The following FNBP1 variants were observed in gnomAD, a reference collection of about 807,000 sequenced individuals.
FNBP1 encodes the protein formin-binding protein 1.
A neutral mutation model predicts 90.6 loss-of-function variants in FNBP1; 26 were observed. The observed-to-expected ratio is 0.29, with a 90% CI of 0.21 to 0.40. The LOEUF is 0.40. Among genes scored for constraint, FNBP1 ranks in the 10% least tolerant of loss-of-function variants. The pLI is 1.00. For synonymous variants in FNBP1, 260 were observed against 265.2 expected, an observed-to-expected ratio of 0.98 and a Z score of 0.19; for missense variants, 635 against 768.0, an observed-to-expected ratio of 0.83 and a Z score of 2.05.
intron 6 of FNBP1, among the ~76,000 whole-genome samples, chr9:129,955,822 C>A (rs1377268941): frequency 7.7e-6 from 1 of 130,456 alleles, no homozygotes; most frequent in Non-Finnish European, 1.6e-5. Context: ...TACATATATA[C>A]TTCTTTTAGC....
intron 11 of FNBP1, among the ~76,000 whole-genome samples, chr9:129,911,060 C>T (rs2039186152): frequency 6.6e-6 from 1 of 152,174 alleles, no homozygotes; most frequent in Non-Finnish European, 1.5e-5. Flanking sequence ...ATGGATTTCA[C>T]CACGTTGGTC....
intron 6 of FNBP1, among the ~76,000 whole-genome samples, chr9:129,935,550 C>T (rs2043303230): frequency 6.6e-6 from 1 of 151,924 alleles, no homozygotes; most frequent in Non-Finnish European, 1.5e-5. Flanking sequence ...TGCAGTGGTG[C>T]AATCTCGGTT....
At position 130,043,138 on chromosome 9, in the gene FNBP1, C is replaced by G. The variant is rs898377667; in HGVS notation, c.-163G>C. The stretch of plus-strand genomic sequence containing the variant: ...TCCTCGCCCGGGGTCTCCTCGGCGG[C>G]TCCTCCTCCCCGCCGCTCCACAGCA... On this transcript the variant is annotated 5_prime_UTR_variant, in exon 1 of 17. Coordinates refer to ENST00000446176, the MANE Select transcript of FNBP1 (RefSeq NM_015033.3). 17 of 490,100 alleles carry G rather than the reference C, an allele frequency of 3.5e-5. No individual in the cohort carries two copies. Among genetic ancestry groups the G allele is most frequent in the Non-Finnish European group, 4.8e-5 (15 of 314,220 alleles). 30.4% of individuals were successfully genotyped at this position (490,100 alleles called of 1,614,324 possible).
chr9:129,929,752 T>C, intron 6 of FNBP1, 57 bp from the exon 7 acceptor site: 1 of 1,573,958 alleles, frequency 6.4e-7, no homozygotes, highest in South Asian at 1.1e-5. Flanking sequence ...AAAGCCTGGG[T>C]GCAATCAATA....
At chr9:129,920,591 C>T (rs1234709309) in intron 10 of FNBP1, among the ~76,000 whole-genome samples, 5 of 152,176 alleles carry the variant, frequency 3.3e-5, no homozygotes, top group Admixed American at 1.3e-4. Flanking sequence ...TGAGCCACAA[C>T]GCCCAGCTTA....
chr9:129,994,807 G>A (rs370778907), intron 2 of FNBP1, 36 bp downstream of exon 2: 11 of 890,564 alleles, frequency 1.2e-5, no homozygotes, highest in African/African-American at 1.7e-5. Flanking sequence ...ACATCATTTT[G>A]CAGTTAACAA....
At chr9:130,009,150 T>C (rs2056204673) in intron 1 of FNBP1, among the ~76,000 whole-genome samples, 1 of 152,204 alleles carries the variant, frequency 6.6e-6, no homozygotes, top group South Asian at 2.1e-4. Flanking sequence ...GGCCCTGGCA[T>C]CTGAAACTTA....
intron 2 of FNBP1, among the ~76,000 whole-genome samples, chr9:129,993,624 C>CT (rs10533724): frequency 2.0e-4 from 22 of 112,236 alleles, no homozygotes; most frequent in Non-Finnish European, 3.1e-4. Context: ...CCCCAAAGCA[C>CT]TTTTTTTTTT....
chr9:129,900,132 A>T lies in FNBP1; in HGVS notation c.1551-31T>A. On this transcript the variant is annotated intron_variant, in intron 14 of 16. Coordinates refer to ENST00000446176, the MANE Select transcript of FNBP1 (RefSeq NM_015033.3). This position sits in a 1 kb window ranked among gnomAD's most constrained non-coding sequence, Gnocchi z 4.1. ...CAAGAAAGGAAAACACAAAGCAACT[A>T]AAGCGACTGACCCCAGGGAGGACTC... 1 of 1,570,666 alleles carries T rather than the reference A, an allele frequency of 6.4e-7. No homozygotes were observed. Among genetic ancestry groups the T allele is most frequent in the South Asian group, 1.2e-5 (1 of 84,650 alleles).
intron 1 of FNBP1, chr9:130,013,867 T>C (rs1006609015): frequency 2.3e-6 from 1 of 431,880 alleles, no homozygotes; most frequent in South Asian, 1.7e-5. Flanking sequence ...CCTCTTGCTC[T>C]CTTGCCCTAA....
rs1361638591 is a variant in FNBP1 at position 129,978,514 on chromosome 9, A to G, written c.296T>C (p.Ile99Thr). ...CTGAACATAGCGTGCCAAGTCCACA[A>G]TGATCTGTGATGCCATGTTCTCGGA... ...VISENMASQI[I>T]VDLARYVQEL... Residue 99 changes from isoleucine to threonine, a missense_variant, in exon 4 of 17, where the codon ATT (isoleucine) becomes ACT (threonine). Physicochemically the swap from Ile to Thr is moderately conservative, Grantham distance 89. Coordinates refer to ENST00000446176, the MANE Select transcript of FNBP1 (RefSeq NM_015033.3). The G allele has an allele frequency of 3.7e-6, 6 of 1,613,746 alleles. No homozygotes were observed. The highest frequency in any genetic ancestry group is 3.4e-6 in the Non-Finnish European group (4 of 1,179,694).
At chr9:130,033,027 A>G (rs935173263) in intron 1 of FNBP1, among the ~76,000 whole-genome samples, 2 of 152,166 alleles carry the variant, frequency 1.3e-5, no homozygotes, top group Non-Finnish European at 2.9e-5. Context: ...TAGGACAGAA[A>G]ATAGCTCATT....
chr9:130,029,333 C>A (rs1231848119), intron 1 of FNBP1, among the ~76,000 whole-genome samples: 1 of 152,070 alleles, frequency 6.6e-6, no homozygotes, highest in Non-Finnish European at 1.5e-5. Context: ...AGGCTGGTGT[C>A]AAACTCCTGG....
Position 129,900,434 on chromosome 9 carries a change from G to C in FNBP1, c.1542C>G (p.Asp514Glu), listed in dbSNP as rs1439839279. 3 of 1,595,722 alleles carry C rather than the reference G, an allele frequency of 1.9e-6. No individual in the cohort carries two copies. In the South Asian group the frequency reaches 3.4e-5, roughly 18 times the overall value. The change falls in exon 14 of 17, where the codon GAC becomes GAG. Residue 514 changes from aspartate (D) to glutamate (E), a missense_variant. Asp to Glu is a conservative substitution (Grantham distance 45). Coordinates refer to ENST00000446176, the MANE Select transcript of FNBP1 (RefSeq NM_015033.3). This position sits in a 1 kb window ranked among gnomAD's most constrained non-coding sequence, Gnocchi z 4.1. ...NPPTVNNCAQ[D>E]RESPDGSYTE... ...CTGTGCAGATACTGTACCTCTCACG[G>C]TCCTGGGCGCAGTTGTTGACTGTGG...
At chr9:129,970,132 C>G (rs2049224415) in intron 4 of FNBP1, among the ~76,000 whole-genome samples, 1 of 151,696 alleles carries the variant, frequency 6.6e-6, no homozygotes, top group Non-Finnish European at 1.5e-5. Context: ...GTCTCGATCT[C>G]CCGACCTCAT....
chr9:129,906,209 C>A (rs1276552681), intron 12 of FNBP1, among the ~76,000 whole-genome samples: 2 of 152,092 alleles, frequency 1.3e-5, no homozygotes, highest in Admixed American at 6.6e-5. Flanking sequence ...TTATTGGTAT[C>A]CAGCTTAATT....
chr9:130,034,725 T>C (rs2059154985), intron 1 of FNBP1, among the ~76,000 whole-genome samples: 2 of 152,196 alleles, frequency 1.3e-5, no homozygotes. Flanking sequence ...CATTTAGTGG[T>C]GTGAGTCATT....
intron 11 of FNBP1, among the ~76,000 whole-genome samples, chr9:129,914,154 T>C (rs1459625700): frequency 6.6e-6 from 1 of 150,424 alleles, no homozygotes; most frequent in African/African-American, 2.4e-5. Flanking sequence ...CCACACCTGG[T>C]CCCACATCTT....
upstream of FNBP1, among the ~76,000 whole-genome samples, chr9:130,046,655 C>T (rs2060062070): frequency 6.7e-6 from 1 of 150,202 alleles, no homozygotes; most frequent in South Asian, 2.1e-4. Context: ...GTAATCCCAG[C>T]TGCTTGGGAG....
Sources: allele counts gnomAD v4.1 joint callset (sites outside exome capture counted in the v4.1 genomes callset), GRCh38; gene constraint gnomAD v4.1.1; non-coding constraint Gnocchi (gnomAD v3.1); transcripts MANE v1.5; gene names NCBI Gene and HGNC (gene_info 2026-07-23, HGNC 2026-07-21).